MAPK10: variants seen among roughly 807,000 people sequenced by gnomAD.
MAPK10 encodes the protein mitogen-activated protein kinase 10.
MAPK10 carries 25 observed loss-of-function variants against 59.3 expected under a neutral mutation model. That is an observed-to-expected ratio of 0.42 (90% CI 0.31 to 0.59). MAPK10 has a LOEUF of 0.59. Among genes scored for constraint, MAPK10 ranks in the 20% least tolerant of loss-of-function variants. The pLI is 0.15. For synonymous variants in MAPK10, 190 were observed against 200.5 expected, an observed-to-expected ratio of 0.95 and a Z score of 0.44; for missense variants, 351 against 568.9, an observed-to-expected ratio of 0.62 and a Z score of 3.90.
chr4:86,333,721 G>T (rs13112340), intron 2 of MAPK10, among the ~76,000 whole-genome samples: 36,161 of 151,964 alleles, frequency 0.24, 4,669 homozygotes, highest in South Asian at 0.43. Context: ...ATACTGGTTG[G>T]TGACAGTCTC....
intron 1 of MAPK10, chr4:86,358,325 G>A: frequency 1.0e-6 from 1 of 985,410 alleles, no homozygotes; most frequent in Non-Finnish European, 1.2e-6. Context: ...AGCCGATGAG[G>A]GATAGAAGGA....
chr4:86,545,185 C>A (rs957509512), intron 1 of MAPK10, among the ~76,000 whole-genome samples: 7 of 152,126 alleles, frequency 4.6e-5, no homozygotes, highest in Non-Finnish European at 8.8e-5. Context: ...GCCAAGGAGT[C>A]AGGATTTTGA....
At chr4:86,479,008 C>G (rs1753353461) in intron 1 of MAPK10, among the ~76,000 whole-genome samples, 1 of 152,170 alleles carries the variant, frequency 6.6e-6, no homozygotes, top group Admixed American at 6.5e-5. Flanking sequence ...CTGCCCAGGA[C>G]CGGCAAATTA....
intron 2 of MAPK10, among the ~76,000 whole-genome samples, chr4:86,286,965 T>C (rs946857370): frequency 6.6e-6 from 1 of 152,206 alleles, no homozygotes; most frequent in Non-Finnish European, 1.5e-5. Context: ...CTGGCACCGT[T>C]AACAGGAATT....
At chr4:86,283,046 C>T (rs1010524870) in intron 2 of MAPK10, among the ~76,000 whole-genome samples, 3 of 152,152 alleles carry the variant, frequency 2.0e-5, no homozygotes, top group African/African-American at 7.2e-5. Flanking sequence ...TGATTTAATG[C>T]TTATTCAATA....
chr4:86,201,540 G>C (rs2082623409), intron 2 of MAPK10, among the ~76,000 whole-genome samples: 1 of 151,694 alleles, frequency 6.6e-6, no homozygotes, highest in African/African-American at 2.4e-5. Context: ...TGGAGAGAAG[G>C]CTTTATCTTT....
chr4:86,220,838 C>T (rs1259952777), intron 2 of MAPK10, among the ~76,000 whole-genome samples: 2 of 152,180 alleles, frequency 1.3e-5, no homozygotes, highest in African/African-American at 4.8e-5. Context: ...ATTTCTGTCC[C>T]AAACTCTAGG....
At chr4:86,197,918 T>C (rs1309088888) in intron 2 of MAPK10, among the ~76,000 whole-genome samples, 1 of 152,116 alleles carries the variant, frequency 6.6e-6, no homozygotes, top group African/African-American at 2.4e-5. Context: ...TATGAATTAA[T>C]AGAATACAGA....
intron 1 of MAPK10, among the ~76,000 whole-genome samples, chr4:86,539,194 C>A (rs927230709): frequency 6.6e-6 from 1 of 152,100 alleles, no homozygotes; most frequent in Non-Finnish European, 1.5e-5. Flanking sequence ...TGTCTTCTAG[C>A]CGAGTTCCCT....
At chr4:86,109,596 T>G (rs1384387533) in intron 4 of MAPK10, among the ~76,000 whole-genome samples, 1 of 152,252 alleles carries the variant, frequency 6.6e-6, no homozygotes, top group Non-Finnish European at 1.5e-5. Flanking sequence ...TAGTATTTCA[T>G]GATGCATATG....
At chr4:86,343,168 C>T (rs1033330266) in intron 2 of MAPK10, among the ~76,000 whole-genome samples, 5 of 152,192 alleles carry the variant, frequency 3.3e-5, no homozygotes, top group African/African-American at 7.2e-5. Flanking sequence ...AATATGTTCG[C>T]ATTTCCACCC....
At chr4:86,092,547 C>G (rs1012489020) in intron 9 of MAPK10, among the ~76,000 whole-genome samples, 1 of 151,652 alleles carries the variant, frequency 6.6e-6, no homozygotes, top group African/African-American at 2.4e-5. Flanking sequence ...TAGTAGTAAG[C>G]CTTCCCTCTA....
At position 86,475,518 on chromosome 4, in the gene MAPK10, C is replaced by T. The variant is rs186426307; in HGVS notation, c.-263+118392G>A. 1.9e-3 allele frequency among the ~76,000 whole-genome samples: 287 copies of T among 152,240 alleles called. 4 individuals carry two copies. The highest frequency in any genetic ancestry group is 5.0e-3 in the Admixed American group (77 of 15,290). ...CCTTTCCTCGTAGAGACAGGAGACA[C>T]GTTTTATCCGTGGACCCAAAACTCT... is the stretch of plus-strand genomic sequence containing the variant. On this transcript the variant is annotated intron_variant, in intron 1 of 4. Transcript: ENST00000502302.
intron 2 of MAPK10, among the ~76,000 whole-genome samples, chr4:86,323,279 C>A (rs961416893): frequency 6.6e-6 from 1 of 152,120 alleles, no homozygotes; most frequent in African/African-American, 2.4e-5. Context: ...CCTTACAGTC[C>A]ATTTGAAGCA....
At chr4:86,375,274 G>A (rs1564755687) in intron 1 of MAPK10, among the ~76,000 whole-genome samples, 1 of 152,052 alleles carries the variant, frequency 6.6e-6, no homozygotes, top group Non-Finnish European at 1.5e-5. Flanking sequence ...CAATGGTAAT[G>A]AAGAGACTGT....
At chr4:86,117,032 C>A (rs1334261881) in intron 4 of MAPK10, among the ~76,000 whole-genome samples, 3 of 152,208 alleles carry the variant, frequency 2.0e-5, no homozygotes, top group Admixed American at 2.0e-4. Context: ...AACTGTACCA[C>A]CATCATGACC....
chr4:86,442,547 T>A lies in MAPK10; in HGVS notation c.-122+10483A>T, dbSNP rs139030588. ...GTGTCTCTGTTTTATTCCTCACTTATTTAATTCCTCCCTACATCCACAGAA... is the reference window on the plus strand; with the variant it reads ...GTGTCTCTGTTTTATTCCTCACTTAATTAATTCCTCCCTACATCCACAGAA... On this transcript the variant is annotated intron_variant, in intron 1 of 13. Coordinates refer to the MAPK10 transcript ENST00000361569. Among the ~76,000 whole-genome samples the A allele has an allele frequency of 7.4e-4, 113 of 152,332 alleles. 1 individual carries two copies. In the East Asian group the frequency reaches 0.013, roughly 18 times the overall value.
At chr4:86,401,454 G>C (rs1743716971) in intron 1 of MAPK10, among the ~76,000 whole-genome samples, 1 of 152,172 alleles carries the variant, frequency 6.6e-6, no homozygotes, top group Admixed American at 6.5e-5. Context: ...ACAATTGGTA[G>C]AAAGATGTTC....
intron 3 of MAPK10, among the ~76,000 whole-genome samples, chr4:86,168,636 C>T (rs1032318223): frequency 6.6e-6 from 1 of 152,150 alleles, no homozygotes; most frequent in Admixed American, 6.5e-5. Context: ...GGGGGCAGGG[C>T]ACAGACAAAC....
Sources: allele counts gnomAD v4.1 joint callset (sites outside exome capture counted in the v4.1 genomes callset), GRCh38; gene constraint gnomAD v4.1.1; transcripts MANE v1.5; gene names NCBI Gene and HGNC (gene_info 2026-07-23, HGNC 2026-07-21).